The following CACNB3 variants were observed in gnomAD, a reference collection of about 807,000 sequenced individuals.
CACNB3 encodes voltage-dependent L-type calcium channel subunit beta-3.
A neutral mutation model predicts 63.7 loss-of-function variants in CACNB3; 36 were observed. The observed-to-expected ratio is 0.57, with a 90% CI of 0.43 to 0.75. The LOEUF (loss-of-function observed/expected upper bound fraction) is 0.75, where lower values mean the gene tolerates loss of function less well. Ranked by LOEUF, CACNB3 falls within the 30% of genes least tolerant of loss-of-function variation. The pLI, the probability that CACNB3 is intolerant of heterozygous loss-of-function variation, is 0.00. For synonymous variants in CACNB3, 241 were observed against 250.6 expected (o/e 0.96, Z 0.36); for missense variants, 493 against 648.6 (o/e 0.76, Z 2.61).
chr12:48,821,338 A>G (rs1416585205), intron 1 of CACNB3: 1 of 152,086 alleles, frequency 6.6e-6, no homozygotes, highest in African/African-American at 2.4e-5. Flanking sequence ...ACAAAAAACT[A>G]GTAGGCATGG....
rs1484484604 is a variant in CACNB3 at position 48,825,023 on chromosome 12, C to T, written c.492+55C>T. 3 of 1,570,668 alleles carry T rather than the reference C, an allele frequency of 1.9e-6. No homozygotes were observed. The African/African-American group carries it at 4.9e-5, about 26-fold the overall frequency. On this transcript the variant is annotated intron_variant, in intron 6 of 12. Transcript: ENST00000301050. The surrounding 1 kb of genome is among the most constrained non-coding windows in gnomAD (Gnocchi z 4.5). Reference sequence around the variant, plus strand: ...GGATCATGGCTTATGGCTCTGGGGACAGTGTTCTAGGCAGTCATTGTTGGA... The same window carrying T: ...GGATCATGGCTTATGGCTCTGGGGATAGTGTTCTAGGCAGTCATTGTTGGA...
chr12:48,823,422 C>T lies in CACNB3; in HGVS notation c.124C>T (p.Arg42Cys), dbSNP rs1937958981. The T allele has an allele frequency of 6.2e-7, 1 of 1,614,076 alleles. No individual in the cohort carries two copies. Among genetic ancestry groups the T allele is most frequent in the Non-Finnish European group, 8.5e-7 (1 of 1,179,984 alleles). ...SLEEDRESARREVESQAQQQL... is the reference protein window; with the variant it reads ...SLEEDRESARCEVESQAQQQL... ...GGAGGAGGACCGGGAGAGTGCCCGG[C>T]GTGAAGTAGAGAGCCAGGCTCAGCA... The change falls in exon 2 of 13, where the codon CGT (arginine) becomes TGT (cysteine). Residue 42 changes from arginine (R) to cysteine (C), a missense_variant. Arg to Cys is a radical substitution (Grantham distance 180). Transcript: ENST00000301050. This position sits in a 1 kb window ranked among gnomAD's most constrained non-coding sequence, Gnocchi z 4.2.
In CACNB3 at chr12:48,827,046, G is replaced by A; in HGVS notation, c.1063G>A (p.Val355Ile). The A allele has an allele frequency of 6.2e-7, 1 of 1,613,972 alleles. No homozygotes were observed. The highest frequency in any genetic ancestry group is 8.5e-7 in the Non-Finnish European group (1 of 1,180,038). The change falls in exon 12 of 13, where the codon GTT becomes ATT. Residue 355 changes from valine to isoleucine, a missense_variant. Physicochemically the swap from Val to Ile is conservative, Grantham distance 29. Coordinates refer to ENST00000301050, the MANE Select transcript of CACNB3 (RefSeq NM_000725.4). ...TGAGCACCTGGCTGAGTACCTGGAG[G>A]TTTACTGGCGGGCCACGCACCACCC... The part of the protein sequence containing the change: ...ACEHLAEYLE[V>I]YWRATHHPAP...
Position 48,827,650 on chromosome 12 carries a change from C to A in CACNB3, c.1206C>A (p.Pro402=), listed in dbSNP as rs1182537465. The A allele has an allele frequency of 1.2e-6, 2 of 1,613,694 alleles. No individual in the cohort carries two copies. The highest frequency in any genetic ancestry group is 8.5e-7 in the Non-Finnish European group (1 of 1,180,018). The change falls in exon 13 of 13, where the codon CCC becomes CCA. Residue 402 remains proline, a synonymous_variant. Coordinates refer to ENST00000301050, the MANE Select transcript of CACNB3 (RefSeq NM_000725.4). The part of the protein sequence containing the change: ...HSPLERDSLM[P]SDEASESSRQ... ...CCCTTGAGCGGGACAGCTTGATGCC[C>A]TCTGATGAGGCCAGCGAGAGCTCCC...
rs566869342 is a variant in CACNB3, at chr12:48,821,301, T to C, written c.46-2043T>C. On this transcript the variant is annotated intron_variant, in intron 1 of 12. Transcript: ENST00000301050. ...TAAGCCCAGGAGTTTGAGACCAGCC[T>C]AGGCAACATAGCAAGATCCTGTCTC... 6 of 152,234 alleles carry C rather than the reference T, an allele frequency of 3.9e-5. No homozygotes were observed. In the East Asian group the frequency reaches 1.2e-3, roughly 29 times the overall value. 9.4% of individuals were successfully genotyped at this position (152,234 alleles called of 1,614,324 possible).
rs1937985826 is a variant in CACNB3, at chr12:48,823,941, C to T, written c.291+138C>T. The T allele has an allele frequency of 3.7e-6, 4 of 1,084,238 alleles. No individual in the cohort carries two copies. In the East Asian group the frequency reaches 9.9e-5, roughly 27 times the overall value. The allele number at this position is 1,084,238 out of a possible 1,614,324, so 67.2% of individuals were successfully genotyped here. On this transcript the variant is annotated intron_variant, in intron 3 of 12. Coordinates refer to ENST00000301050, the MANE Select transcript of CACNB3 (RefSeq NM_000725.4). This position sits in a 1 kb window ranked among gnomAD's most constrained non-coding sequence, Gnocchi z 4.2. Reference sequence around the variant, plus strand: ...TTCTCCTTAACACACACCTGTCCACCCCTCATATCTAAGATCTCATCCCCA... The same window carrying T: ...TTCTCCTTAACACACACCTGTCCACTCCTCATATCTAAGATCTCATCCCCA...
At chr12:48,815,334 A>C, upstream of CACNB3, 4 of 334,226 alleles carry the variant, frequency 1.2e-5, no homozygotes, top group East Asian at 6.7e-5. Flanking sequence ...CGGCAGGGGA[A>C]GCCGAGGAGC....
At position 48,824,651 on chromosome 12, in the gene CACNB3, A is replaced by C. The variant is rs998961413; in HGVS notation, c.408-18A>C. 5 of 1,607,208 alleles carry C rather than the reference A, an allele frequency of 3.1e-6. No individual in the cohort carries two copies. Among genetic ancestry groups the C allele is most frequent in the Admixed American group, 3.4e-5 (2 of 59,668 alleles). On this transcript the variant is annotated intron_variant, in intron 4 of 12. Transcript: ENST00000301050. ...ACACATTCTTCTCTCTCTCTCTTTC[A>C]CCTCCCTTTCTTCTCAGGAGATCTG...
Position 48,818,722 on chromosome 12 carries a change from G to GGGGGT in CACNB3, c.-198_-194dup. The GGGGGT allele has an allele frequency of 3.1e-6, 4 of 1,287,770 alleles. No homozygotes were observed. The highest frequency in any genetic ancestry group is 6.8e-5 in the East Asian group (2 of 29,406). The allele number at this position is 1,287,770 out of a possible 1,614,324, so 79.8% of individuals were successfully genotyped here. A position where few individuals can be genotyped will look rare whatever the true frequency, so the allele number is the denominator to read the frequency against. On this transcript the variant is annotated 5_prime_UTR_variant, in exon 1 of 13. Coordinates refer to ENST00000301050, the MANE Select transcript of CACNB3 (RefSeq NM_000725.4). The surrounding 1 kb of genome is among the most constrained non-coding windows in gnomAD (Gnocchi z 4.3). ...TCGGGGTGGGACCGGCTGGGTTTGG[G>GGGGGT]GGGGTGGGGTGGGGGGAGCGGTGAT...
rs201302090 is a variant in CACNB3 at position 48,827,937 on chromosome 12, A to G, written c.*38A>G. 1.8e-5 allele frequency: 29 copies of G among 1,572,066 alleles called. No individual in the cohort carries two copies. In the East Asian group the frequency reaches 6.2e-4, roughly 34 times the overall value. On this transcript the variant is annotated 3_prime_UTR_variant, in exon 13 of 13. Coordinates refer to ENST00000301050, the MANE Select transcript of CACNB3 (RefSeq NM_000725.4). ...GCCCTACCCTGGCAGGCACAGGCGC[A>G]GCTGGCTGGGGGGCCCACTCCAGGC...
intron 4 of CACNB3, 68 bp downstream of exon 4, chr12:48,824,441 C>T (rs1938019327): frequency 7.5e-7 from 1 of 1,332,388 alleles, no homozygotes; most frequent in South Asian, 1.3e-5. Context: ...GGACACGTCA[C>T]CATGCATGCC....
At position 48,828,258 on chromosome 12, in the gene CACNB3, T is replaced by G; in HGVS notation, c.*359T>G. ...CAGACTCAGGGAAGGGATGCCCCAT[T>G]AAAGTGACAAAAGGGTGGGGTGTGG... On this transcript the variant is annotated 3_prime_UTR_variant, in exon 13 of 13. Transcript: ENST00000301050. 5.7e-6 allele frequency: 2 copies of G among 351,092 alleles called. No individual in the cohort carries two copies. Among genetic ancestry groups the G allele is most frequent in the South Asian group, 3.0e-5 (1 of 33,070 alleles). The allele number at this position is 351,092 out of a possible 1,614,324, so 21.7% of individuals were successfully genotyped here. A position where few individuals can be genotyped will look rare whatever the true frequency, so the allele number is the denominator to read the frequency against.
rs1938234069 is a variant in CACNB3 at position 48,827,812 on chromosome 12, A to G, written c.1368A>G (p.Gln456=). The G allele has an allele frequency of 3.1e-6, 5 of 1,614,174 alleles. No homozygotes were observed. The highest frequency in any genetic ancestry group is 4.2e-6 in the Non-Finnish European group (5 of 1,180,018). Residue 456 remains glutamine (Q), a synonymous_variant, in exon 13 of 13, where the codon CAA becomes CAG. Transcript: ENST00000301050. ...CTAGTGCTAACGGGCATGACCCCCA[A>G]GACCGGCTTCTAGCCCAGGACTCAG... is the stretch of plus-strand genomic sequence containing the variant. ...GLPSANGHDP[Q]DRLLAQDSEH... is the part of the protein sequence containing the mutation.
Position 48,826,697 on chromosome 12 carries a change from C to T in CACNB3, c.895-62C>T, listed in dbSNP as rs572165146. ...AGTGGAAGAAATGCCTAGCTCTGCC[C>T]GGGCTCAGCTCTGCCCAGAGTCCTG... On this transcript the variant is annotated intron_variant, in intron 10 of 12. Coordinates refer to ENST00000301050, the MANE Select transcript of CACNB3 (RefSeq NM_000725.4). This position sits in a 1 kb window ranked among gnomAD's most constrained non-coding sequence, Gnocchi z 4.8. 3.1e-5 allele frequency: 46 copies of T among 1,484,626 alleles called. No individual in the cohort carries two copies. The highest frequency in any genetic ancestry group is 3.0e-4 in the South Asian group (26 of 88,056). 92.0% of individuals were successfully genotyped at this position (1,484,626 alleles called of 1,614,324 possible).
chr12:48,826,666 G>GCCAC lies in CACNB3; in HGVS notation c.895-92_895-89dup. On this transcript the variant is annotated intron_variant, in intron 10 of 12. Transcript: ENST00000301050. This position sits in a 1 kb window ranked among gnomAD's most constrained non-coding sequence, Gnocchi z 4.8. ...TGAGTCATCCTCACCTGCTACTGAT[G>GCCAC]CCACAAGTGGAAGAAATGCCTAGCT... The GCCAC allele has an allele frequency of 7.1e-7, 1 of 1,416,582 alleles. No individual in the cohort carries two copies. Among genetic ancestry groups the GCCAC allele is most frequent in the Admixed American group, 1.7e-5 (1 of 59,234 alleles). The allele number at this position is 1,416,582 out of a possible 1,614,324, so 87.8% of individuals were successfully genotyped here. A position where few individuals can be genotyped will look rare whatever the true frequency, so the allele number is the denominator to read the frequency against.
upstream of CACNB3, chr12:48,815,774 TG>T: frequency 1.0e-6 from 1 of 965,776 alleles, no homozygotes; most frequent in East Asian, 3.0e-5. Flanking sequence ...GGTTCCCCAC[TG>T]GGTGGGAGGA....
chr12:48,828,056 G>A lies in CACNB3; in HGVS notation c.*157G>A. ...CTTCAGGGCTGCCTGTGGTCCCAAG[G>A]TTCTGGGAGAAACAGGGGACCCCCT... On this transcript the variant is annotated 3_prime_UTR_variant, in exon 13 of 13. Coordinates refer to ENST00000301050, the MANE Select transcript of CACNB3 (RefSeq NM_000725.4). The A allele has an allele frequency of 1.5e-6, 1 of 666,576 alleles. No individual in the cohort carries two copies. Among genetic ancestry groups the A allele is most frequent in the Non-Finnish European group, 2.6e-6 (1 of 391,310 alleles). The allele number at this position is 666,576 out of a possible 1,614,324, so 41.3% of individuals were successfully genotyped here. A position where few individuals can be genotyped will look rare whatever the true frequency, so the allele number is the denominator to read the frequency against.
chr12:48,828,199 C>T lies in CACNB3; in HGVS notation c.*300C>T. ...AAGCTGCCCCACTGGGCAGTGCCCT[C>T]AGGCCAGGATCCCCTTAGCAGGGTC... On this transcript the variant is annotated 3_prime_UTR_variant, in exon 13 of 13. Coordinates refer to ENST00000301050, the MANE Select transcript of CACNB3 (RefSeq NM_000725.4). The T allele has an allele frequency of 2.1e-6, 1 of 471,434 alleles. No individual in the cohort carries two copies. Among genetic ancestry groups the T allele is most frequent in the Non-Finnish European group, 3.9e-6 (1 of 256,260 alleles). The allele number at this position is 471,434 out of a possible 1,614,324, so 29.2% of individuals were successfully genotyped here. A position where few individuals can be genotyped will look rare whatever the true frequency, so the allele number is the denominator to read the frequency against.
In CACNB3 at chr12:48,818,739, A is replaced by T; in HGVS notation, c.-191A>T. ...GGGTTTGGGGGGGTGGGGTGGGGGGAGCGGTGATCTGAGCTCCGAGCAGCT... is the reference window on the plus strand; with the variant it reads ...GGGTTTGGGGGGGTGGGGTGGGGGGTGCGGTGATCTGAGCTCCGAGCAGCT... On this transcript the variant is annotated 5_prime_UTR_variant, in exon 1 of 13. Transcript: ENST00000301050. This position sits in a 1 kb window ranked among gnomAD's most constrained non-coding sequence, Gnocchi z 4.3. 7.7e-7 allele frequency: 1 copy of T among 1,293,822 alleles called. No individual in the cohort carries two copies. The allele number at this position is 1,293,822 out of a possible 1,614,324, so 80.1% of individuals were successfully genotyped here. A position where few individuals can be genotyped will look rare whatever the true frequency, so the allele number is the denominator to read the frequency against.
Sources: allele counts gnomAD v4.1 joint callset, GRCh38; gene constraint gnomAD v4.1.1; non-coding constraint Gnocchi (gnomAD v3.1); transcripts MANE v1.5; gene names NCBI Gene and HGNC (gene_info 2026-07-23, HGNC 2026-07-21).